WDCP: variants seen among roughly 807,000 people sequenced by gnomAD.
WDCP encodes the protein WD repeat and coiled coil containing.
A neutral mutation model predicts 41.6 loss-of-function variants in WDCP; 19 were observed. The ratio of observed to expected loss-of-function variants is 0.46; its 90% CI spans 0.32 to 0.67. WDCP has a LOEUF of 0.67. Among genes scored for constraint, WDCP ranks in the 30% least tolerant of loss-of-function variants. WDCP has a pLI of 0.04. For synonymous variants in WDCP, 302 were observed against 320.8 expected, an observed-to-expected ratio of 0.94 and a Z score of 0.63; for missense variants, 802 against 850.7, an observed-to-expected ratio of 0.94 and a Z score of 0.71.
chr2:24,031,784 C>T (rs1318724238), intron 3 of WDCP, among the ~76,000 whole-genome samples: 1 of 151,758 alleles, frequency 6.6e-6, no homozygotes, highest in Non-Finnish European at 1.5e-5. Context: ...CGAGATCATG[C>T]CACTGCATTC....
In WDCP at chr2:24,030,818, G is replaced by T; in HGVS notation, c.*115C>A. 1.3e-6 allele frequency: 1 copy of T among 780,670 alleles called. No individual in the cohort carries two copies. Among genetic ancestry groups the T allele is most frequent in the Non-Finnish European group, 2.1e-6 (1 of 480,480 alleles). 48.4% of individuals were successfully genotyped at this position (780,670 alleles called of 1,614,324 possible). A position where few individuals can be genotyped will look rare whatever the true frequency, so the allele number is the denominator to read the frequency against. ...GGGGGAAACCAGGAGAGCCGACCATGGCAAGCGCTTCGCCTGAGTGCAGTG... is the reference window on the plus strand; with the variant it reads ...GGGGGAAACCAGGAGAGCCGACCATTGCAAGCGCTTCGCCTGAGTGCAGTG... On this transcript the variant is annotated 3_prime_UTR_variant, in exon 4 of 4. Transcript: ENST00000295148.
Position 24,031,025 on chromosome 2 carries a change from C to A in WDCP, c.2074G>T (p.Gly692Cys), listed in dbSNP as rs761003836. Residue 692 changes from glycine to cysteine, a missense_variant, in exon 4 of 4, where the codon GGT becomes TGT. Physicochemically the swap from Gly to Cys is radical, Grantham distance 159. This residue lies in a region of WDCP where 321 missense variants were observed against 305.1 expected (regional missense o/e 1.05). Transcript: ENST00000295148. The part of the protein sequence containing the change: ...VFRDSFSHSP[G>C]AVSSLKVFTG... Reference sequence around the variant, plus strand: ...AAGACTTTAAGAGAAGAAACAGCACCTGGACTGTGAGAAAAAGAGTCTCTG... The same window carrying A: ...AAGACTTTAAGAGAAGAAACAGCACATGGACTGTGAGAAAAAGAGTCTCTG... 6.2e-7 allele frequency: 1 copy of A among 1,614,206 alleles called. No homozygotes were observed. The highest frequency in any genetic ancestry group is 1.1e-5 in the South Asian group (1 of 91,080).
chr2:24,037,676 C>A lies in WDCP; in HGVS notation c.1818+1G>T. 6.2e-7 allele frequency: 1 copy of A among 1,603,036 alleles called. No homozygotes were observed. Among genetic ancestry groups the A allele is most frequent in the East Asian group, 2.2e-5 (1 of 44,808 alleles). The stretch of plus-strand genomic sequence containing the variant: ...TGGTAGTTCCTCAAAGGAGAATTTA[C>A]CTGGTAAATGATGTGAACATAAGGA... On this transcript the variant is annotated splice_donor_variant, in intron 2 of 3. Coordinates refer to ENST00000295148, the MANE Select transcript of WDCP (RefSeq NM_025203.3). LOFTEE classifies it high-confidence loss of function.
chr2:24,037,681 T>A lies in WDCP; in HGVS notation c.1814A>T (p.Tyr605Phe), dbSNP rs772354340. 1.2e-6 allele frequency: 2 copies of A among 1,607,456 alleles called. No homozygotes were observed. Among genetic ancestry groups the A allele is most frequent in the African/African-American group, 2.7e-5 (2 of 74,682 alleles). Reference protein sequence around the residue: ...SQDLPYVHIIYQKPYYLGPVV... With the variant: ...SQDLPYVHIIFQKPYYLGPVV... ...GTTCCTCAAAGGAGAATTTACCTGGTAAATGATGTGAACATAAGGAAGATC... is the reference window on the plus strand; with the variant it reads ...GTTCCTCAAAGGAGAATTTACCTGGAAAATGATGTGAACATAAGGAAGATC... Residue 605 changes from tyrosine to phenylalanine, a missense_variant, in exon 2 of 4, where the codon TAC (tyrosine) becomes TTC (phenylalanine). By Grantham distance (22) the Tyr-to-Phe change is conservative. Around this residue, in one of 5 missense-constraint regions of WDCP, gnomAD observed 321 missense variants for 305.1 expected, o/e 1.05. Coordinates refer to ENST00000295148, the MANE Select transcript of WDCP (RefSeq NM_025203.3).
intron 2 of WDCP, chr2:24,033,257 G>A (rs183153425): frequency 8.6e-5 from 42 of 486,656 alleles, no homozygotes; most frequent in Admixed American, 8.1e-4. Flanking sequence ...ACAATCTGAC[G>A]GTAAGAACAC....
At position 24,041,067 on chromosome 2, in the gene WDCP, G is replaced by A. The variant is rs188522951; in HGVS notation, c.-18-1555C>T. Reference sequence around the variant, plus strand: ...ACAAGTACATGCTTAGGCTGGGCACGGTGGCTCATGCTTGTAATCCCAGCA... The same window carrying A: ...ACAAGTACATGCTTAGGCTGGGCACAGTGGCTCATGCTTGTAATCCCAGCA... On this transcript the variant is annotated intron_variant, in intron 1 of 3. Coordinates refer to ENST00000295148, the MANE Select transcript of WDCP (RefSeq NM_025203.3). Among the ~76,000 whole-genome samples, 20 of 152,162 alleles carry A rather than the reference G, an allele frequency of 1.3e-4. No homozygotes were observed. The Middle Eastern group carries it at 0.01, about 78-fold the overall frequency.
At chr2:24,041,369 CT>C in intron 1 of WDCP, among the ~76,000 whole-genome samples, 1 of 151,638 alleles carries the variant, frequency 6.6e-6, no homozygotes, top group South Asian at 2.1e-4. Flanking sequence ...TTCCCTCCTA[CT>C]CAGTGCCAGC....
Position 24,040,788 on chromosome 2 carries a change from G to A in WDCP, c.-18-1276C>T, listed in dbSNP as rs940685818. Among the ~76,000 whole-genome samples the A allele has an allele frequency of 4.6e-5, 7 of 152,160 alleles. No individual in the cohort carries two copies. The South Asian group carries it at 8.3e-4, about 18-fold the overall frequency. ...TCCCAGTACTTTGGGAGGCTGAGAC[G>A]GGAGGATCACCTGAGGTTGGGAGTT... On this transcript the variant is annotated intron_variant, in intron 1 of 3. Transcript: ENST00000295148.
chr2:24,046,668 T>G (rs1304030888), intron 1 of WDCP, among the ~76,000 whole-genome samples: 1 of 152,180 alleles, frequency 6.6e-6, no homozygotes, highest in Non-Finnish European at 1.5e-5. Context: ...TTTATTGTAT[T>G]TCCACTATAA....
intron 2 of WDCP, 72 bp from the exon 3 acceptor site, chr2:24,033,018 T>A: frequency 1.0e-6 from 1 of 1,001,854 alleles, no homozygotes; most frequent in Non-Finnish European, 1.6e-6. Context: ...AAGAAAGGAA[T>A]GTGTAAATAG....
Position 24,038,753 on chromosome 2 carries a change from G to A in WDCP, c.742C>T (p.Pro248Ser), listed in dbSNP as rs1558334910. ...NIPPNSKDMT[P>S]YALPVIGEVR... is the part of the protein sequence containing the mutation. ...TCACCAATAACTGGTAAAGCATACG[G>A]AGTCATGTCTTTACTGTTAGGTGGG... is the stretch of plus-strand genomic sequence containing the variant. Residue 248 changes from proline to serine, a missense_variant, in exon 2 of 4, where the codon CCG (proline) becomes TCG (serine). Around this residue, in one of 5 missense-constraint regions of WDCP, gnomAD observed 247 missense variants for 240.5 expected, o/e 1.03. Transcript: ENST00000295148. 1 of 1,614,154 alleles carries A rather than the reference G, an allele frequency of 6.2e-7. No homozygotes were observed. The highest frequency in any genetic ancestry group is 1.3e-5 in the African/African-American group (1 of 75,046).
rs759872670 is a variant in WDCP, at chr2:24,038,752, G to A, written c.743C>T (p.Pro248Leu). The change falls in exon 2 of 4, where the codon CCG (proline) becomes CTG (leucine). Residue 248 changes from proline (P) to leucine (L), a missense_variant. Physicochemically the swap from Pro to Leu is moderately conservative, Grantham distance 98 (BLOSUM62 -3). Coordinates refer to ENST00000295148, the MANE Select transcript of WDCP (RefSeq NM_025203.3). ...NIPPNSKDMT[P>L]YALPVIGEVR... ...TTCACCAATAACTGGTAAAGCATAC[G>A]GAGTCATGTCTTTACTGTTAGGTGG... is the stretch of plus-strand genomic sequence containing the variant. 74 of 1,614,012 alleles carry A rather than the reference G, an allele frequency of 4.6e-5. No individual in the cohort carries two copies. Among genetic ancestry groups the A allele is most frequent in the African/African-American group, 1.3e-4 (10 of 74,926 alleles).
intron 1 of WDCP, among the ~76,000 whole-genome samples, chr2:24,044,290 G>C (rs1287801485): frequency 6.6e-6 from 1 of 151,726 alleles, no homozygotes; most frequent in Non-Finnish European, 1.5e-5. Flanking sequence ...GGGGCGTGGG[G>C]GCACAGTCTT....
chr2:24,039,580 G>T (rs1182856798), intron 1 of WDCP, 68 bp from the exon 2 acceptor site: 4 of 1,398,894 alleles, frequency 2.9e-6, no homozygotes, highest in Non-Finnish European at 3.9e-6. Context: ...AGGACATTTG[G>T]TAAGACAACG....
At chr2:24,031,461 A>T (rs1663092098) in intron 3 of WDCP, among the ~76,000 whole-genome samples, 1 of 152,256 alleles carries the variant, frequency 6.6e-6, no homozygotes, top group African/African-American at 2.4e-5. Context: ...GGCATGACTC[A>T]GTCCCTTGCC....
intron 1 of WDCP, among the ~76,000 whole-genome samples, chr2:24,044,818 A>T (rs201674449): frequency 7.9e-6 from 1 of 126,422 alleles, no homozygotes; most frequent in African/African-American, 3.1e-5. Flanking sequence ...AATTATCTTT[A>T]AAAAAAAAAA....
rs1663059809 is a variant in WDCP, at chr2:24,030,061, T to C, written c.*872A>G. On this transcript the variant is annotated 3_prime_UTR_variant, in exon 4 of 4. Transcript: ENST00000295148. The stretch of plus-strand genomic sequence containing the variant: ...AAGGAGAGAAAATAAAAATATCAAA[T>C]TAAAGTGACAAGTTAACTAAGGGAG... 6.6e-6 allele frequency: 1 copy of C among 152,128 alleles called. No individual in the cohort carries two copies. Among genetic ancestry groups the C allele is most frequent in the South Asian group, 2.1e-4 (1 of 4,804 alleles). The allele number at this position is 152,128 out of a possible 1,614,324, so 9.4% of individuals were successfully genotyped here.
Position 24,038,433 on chromosome 2 carries a change from C to T in WDCP, c.1062G>A (p.Val354=), listed in dbSNP as rs1320432570. The change falls in exon 2 of 4, where the codon GTG becomes GTA. Residue 354 remains valine, a synonymous_variant. Transcript: ENST00000295148. ...LIAFNLKAHV[V]AVASNTCNII... ...TATTACAAGTGTTGGAAGCCACTGC[C>T]ACTACGTGGGCTTTAAGATTAAATG... 1 of 1,614,016 alleles carries T rather than the reference C, an allele frequency of 6.2e-7. No homozygotes were observed. Among genetic ancestry groups the T allele is most frequent in the East Asian group, 2.2e-5 (1 of 44,896 alleles).
chr2:24,045,687 G>C (rs1663600781), intron 1 of WDCP: 1 of 151,204 alleles, frequency 6.6e-6, no homozygotes, highest in African/African-American at 2.4e-5. Flanking sequence ...AGAAAGGAAA[G>C]GAAGGGCAGG....
Sources: allele counts gnomAD v4.1 joint callset (sites outside exome capture counted in the v4.1 genomes callset), GRCh38; gene constraint gnomAD v4.1.1; regional missense constraint gnomAD v4.1.1; transcripts MANE v1.5; gene names NCBI Gene and HGNC (gene_info 2026-07-23, HGNC 2026-07-21).